Variants in SLC6A8 observed in about 807,000 individuals in gnomAD.
The protein encoded by SLC6A8 is sodium- and chloride-dependent creatine transporter 1.
In SLC6A8, 6 loss-of-function variants were observed where a neutral mutation model predicts 48.3. That is an observed-to-expected ratio of 0.12 (90% confidence interval 0.07 to 0.25). The LOEUF is 0.25. SLC6A8 is among the 10% of genes least tolerant of loss of function. The pLI is 1.00. For synonymous variants in SLC6A8, 245 were observed against 244.0 expected (o/e 1.00, Z -0.04); for missense variants, 260 against 551.5 (o/e 0.47, Z 5.29).
chrX:153,692,753 G>A (rs1557044807), intron 4 of SLC6A8: 4 of 428,577 alleles, frequency 9.3e-6, no homozygotes, highest in South Asian at 5.1e-5. Context: ...CACTCCCCAC[G>A]TGCTCCACGC....
rs369716393 is a variant in SLC6A8, at chrX:153,693,483, C to T, written c.1038C>T (p.Leu346=). 107 of 1,209,323 alleles carry T rather than the reference C, an allele frequency of 8.8e-5. No homozygotes were observed. Among genetic ancestry groups the T allele is most frequent in the Middle Eastern group, 2.3e-4 (1 of 4,349 alleles). ...TCAGGGACGCCATCATCCTGGCTCTCATCAACAGTGGGACCAGCTTCTTTG... is the reference window on the plus strand; with the variant it reads ...TCAGGGACGCCATCATCCTGGCTCTTATCAACAGTGGGACCAGCTTCTTTG... ...NCYKDAIILA[L]INSGTSFFAG... is the part of the protein sequence containing the mutation. Residue 346 remains leucine, a synonymous_variant, in exon 7 of 13, where the codon CTC becomes CTT. Coordinates refer to ENST00000253122, the MANE Select transcript of SLC6A8 (RefSeq NM_005629.4).
At chrX:153,692,861 G>A in intron 4 of SLC6A8, 180 bp from the exon 5 acceptor site, 1 of 585,078 alleles carries the variant, frequency 1.7e-6, no homozygotes, top group Non-Finnish European at 2.8e-6. Context: ...CTTCCCCACT[G>A]CACTTGGCCA....
At position 153,695,239 on chromosome X, in the gene SLC6A8, A is replaced by G; in HGVS notation, c.*25A>G. Reference sequence around the variant, plus strand: ...ACAACTCAGCTCACATCACCAGCTCACCTCTGGTAGCCATAGCAGCCCCTG... The same window carrying G: ...ACAACTCAGCTCACATCACCAGCTCGCCTCTGGTAGCCATAGCAGCCCCTG... On this transcript the variant is annotated 3_prime_UTR_variant, in exon 13 of 13. Transcript: ENST00000253122. 8.6e-7 allele frequency: 1 copy of G among 1,164,382 alleles called. No homozygotes were observed. The highest frequency in any genetic ancestry group is 3.2e-5 in the East Asian group (1 of 31,308).
rs1177686940 is a variant in SLC6A8, at chrX:153,692,098, C to T, written c.768C>T (p.Ser256=). Residue 256 remains serine, a synonymous_variant, in exon 4 of 13, where the codon TCC becomes TCT. Transcript: ENST00000253122. Reference sequence around the variant, plus strand: ...TCTGTGTCTGGAAGGGGGTCAAATCCACGGGAAAGGTACCACTAGAGGCAT... The same window carrying T: ...TCTGTGTCTGGAAGGGGGTCAAATCTACGGGAAAGGTACCACTAGAGGCAT... The part of the protein sequence containing the change: ...VYFCVWKGVK[S]TGKIVYFTAT... 7.5e-6 allele frequency: 9 copies of T among 1,201,483 alleles called. No individual in the cohort carries two copies. The highest frequency in any genetic ancestry group is 1.0e-5 in the Non-Finnish European group (9 of 890,091).
In SLC6A8 at chrX:153,691,404, C is replaced by T. The variant is rs144904949; in HGVS notation, c.495C>T (p.Thr165=). 5.2e-5 allele frequency: 63 copies of T among 1,209,757 alleles called. No homozygotes were observed. The highest frequency in any genetic ancestry group is 6.6e-5 in the Non-Finnish European group (59 of 894,217). The change falls in exon 3 of 13, where the codon ACC becomes ACT. Residue 165 remains threonine (T), a synonymous_variant. Coordinates refer to ENST00000253122, the MANE Select transcript of SLC6A8 (RefSeq NM_005629.4). ...ATTACCTGGTCAAGTCCTTTACCAC[C>T]ACGCTGCCCTGGGCCACATGTGGCC... ...GFYYLVKSFT[T]TLPWATCGHT...
chrX:153,693,807 C>T (rs1439496506), intron 7 of SLC6A8, 98 bp from the exon 8 acceptor site: 14 of 823,709 alleles, frequency 1.7e-5, no homozygotes, highest in Non-Finnish European at 2.5e-5. Flanking sequence ...GCCTCTGAGG[C>T]AGGCGTGGGC....
rs1569539384 is a variant in SLC6A8, at chrX:153,693,576, G to A, written c.1131G>A (p.Val377=). The change falls in exon 7 of 13, where the codon GTG becomes GTA. Residue 377 remains valine (V), a synonymous_variant. Transcript: ENST00000253122. ...AAEQGVHISK[V]AESGPGLAFI... is the part of the protein sequence containing the mutation. The stretch of plus-strand genomic sequence containing the variant: ...AGCAGGGCGTGCACATCTCCAAGGT[G>A]GCAGAGTCAGGTAGGGCCCTACCCC... 1.7e-6 allele frequency: 2 copies of A among 1,209,457 alleles called. No homozygotes were observed. Among genetic ancestry groups the A allele is most frequent in the Admixed American group, 2.2e-5 (1 of 45,902 alleles).
intron 4 of SLC6A8, 29 bp downstream of exon 4, chrX:153,692,136 G>A (rs377623557): frequency 1.5e-4 from 176 of 1,188,762 alleles, no homozygotes; most frequent in Non-Finnish European, 1.9e-4. Flanking sequence ...AGCGGGGAGG[G>A]TGGCTCAGCC....
At position 153,694,318 on chromosome X, in the gene SLC6A8, C is replaced by G. The variant is rs202037190; in HGVS notation, c.1393-26C>G. 1.1e-3 allele frequency: 1,325 copies of G among 1,207,844 alleles called. 2 individuals carry two copies. Among genetic ancestry groups the G allele is most frequent in the Non-Finnish European group, 1.1e-3 (1,021 of 893,160 alleles). ...TGACCTCTGGTGGCCGTCTGCCATC[C>G]TCCCTGACTGGGCTCTGTCCCCCAG... On this transcript the variant is annotated intron_variant, in intron 9 of 12. Coordinates refer to ENST00000253122, the MANE Select transcript of SLC6A8 (RefSeq NM_005629.4).
At chrX:153,692,516 A>G (rs1422663861) in intron 4 of SLC6A8, 14 of 338,820 alleles carry the variant, frequency 4.1e-5, no homozygotes, top group Non-Finnish European at 7.4e-5. Context: ...GAGCTGTGGG[A>G]CATGGCCAGC....
At chrX:153,688,863 C>A (rs782531339) in intron 1 of SLC6A8, 27 bp downstream of exon 1, 1 of 1,012,734 alleles carries the variant, frequency 9.9e-7, no homozygotes, top group South Asian at 2.6e-5. Context: ...GCCGCGGCCT[C>A]CTCCCCCAGC....
chrX:153,688,923 T>G lies in SLC6A8; in HGVS notation c.262+87T>G, dbSNP rs1304017330. The G allele has an allele frequency of 2.1e-5, 11 of 518,953 alleles. No homozygotes were observed. In the African/African-American group the frequency reaches 2.8e-4, roughly 13 times the overall value. 42.8% of individuals were successfully genotyped at this position (518,953 alleles called of 1,213,427 possible). On this transcript the variant is annotated intron_variant, in intron 1 of 12. Coordinates refer to ENST00000253122, the MANE Select transcript of SLC6A8 (RefSeq NM_005629.4). The stretch of plus-strand genomic sequence containing the variant: ...CCGGAGCCGCCGCGGAGGGGTGAAG[T>G]CCGGGCAACGGGTGGCCCCCGGGCA...
intron 1 of SLC6A8, among the ~76,000 whole-genome samples, chrX:153,690,098 C>T (rs1410732520): frequency 8.8e-6 from 1 of 113,175 alleles, no homozygotes; most frequent in African/African-American, 3.2e-5. Flanking sequence ...ATGGCCATCG[C>T]CCCAAGTGAC....
intron 7 of SLC6A8, 31 bp downstream of exon 7, chrX:153,693,617 A>T: frequency 8.4e-7 from 1 of 1,197,073 alleles, no homozygotes; most frequent in Non-Finnish European, 1.1e-6. Context: ...CCGCCTCCAG[A>T]GCAGCGAGTG....
In SLC6A8 at chrX:153,690,591, C is replaced by G. The variant is rs782008649; in HGVS notation, c.394+85C>G. 22 of 1,025,749 alleles carry G rather than the reference C, an allele frequency of 2.1e-5. No individual in the cohort carries two copies. The East Asian group carries it at 7.0e-4, about 33-fold the overall frequency. The allele number at this position is 1,025,749 out of a possible 1,213,427, so 84.5% of individuals were successfully genotyped here. Reference sequence around the variant, plus strand: ...AGAAATCTTTTCCTGTCGTGAGCACCAGGCCTGGGGCCACGTGATGGCGTC... The same window carrying G: ...AGAAATCTTTTCCTGTCGTGAGCACGAGGCCTGGGGCCACGTGATGGCGTC... On this transcript the variant is annotated intron_variant, in intron 2 of 12. Transcript: ENST00000253122.
chrX:153,692,978 G>T (rs782001357), intron 4 of SLC6A8, 63 bp from the exon 5 acceptor site: 1 of 1,192,514 alleles, frequency 8.4e-7, no homozygotes, highest in Admixed American at 2.2e-5. Context: ...GACCGGAGGC[G>T]CTGGGAGTGG....
intron 2 of SLC6A8, 149 bp downstream of exon 2, chrX:153,690,655 C>T (rs781869685): frequency 2.3e-5 from 15 of 649,539 alleles, no homozygotes; most frequent in Admixed American, 8.4e-5. Context: ...ATGTTCAGGC[C>T]GCACAGCGAA....
chrX:153,691,998 G>T lies in SLC6A8; in HGVS notation c.668G>T (p.Gly223Val), dbSNP rs781906526. ...AGGAACAAAGTCTTGAGGCTGTCTG[G>T]GGGACTGGAGGTGCCAGGGGCCCTC... is the stretch of plus-strand genomic sequence containing the variant. ...FWENKVLRLS[G>V]GLEVPGALNW... Residue 223 changes from glycine (G) to valine (V), a missense_variant, in exon 4 of 13, where the codon GGG becomes GTG. Gly to Val is a moderately radical substitution (Grantham distance 109, BLOSUM62 -3). Transcript: ENST00000253122. The T allele has an allele frequency of 4.2e-6, 5 of 1,190,504 alleles. No homozygotes were observed. In the South Asian group the frequency reaches 9.0e-5, roughly 21 times the overall value.
At position 153,696,224 on chromosome X, in the gene SLC6A8, C is replaced by T. The variant is rs1281399830; in HGVS notation, c.*1010C>T. ...CTGTCCCCACGCTGTCCCTTTGCCACAAGTCTGTGGGGCAAGAGGCTGCAA... is the reference window on the plus strand; with the variant it reads ...CTGTCCCCACGCTGTCCCTTTGCCATAAGTCTGTGGGGCAAGAGGCTGCAA... On this transcript the variant is annotated 3_prime_UTR_variant, in exon 13 of 13. Coordinates refer to ENST00000253122, the MANE Select transcript of SLC6A8 (RefSeq NM_005629.4). 28 of 269,611 alleles carry T rather than the reference C, an allele frequency of 1.0e-4. No homozygotes were observed. In the East Asian group the frequency reaches 2.7e-3, roughly 26 times the overall value. The allele number at this position is 269,611 out of a possible 1,213,427, so 22.2% of individuals were successfully genotyped here.
Sources: allele counts gnomAD v4.1 joint callset (sites outside exome capture counted in the v4.1 genomes callset), GRCh38; gene constraint gnomAD v4.1.1; transcripts MANE v1.5; gene names NCBI Gene and HGNC (gene_info 2026-07-23, HGNC 2026-07-21).